Variants in RUNX1T1 observed in about 807,000 individuals in gnomAD.
RUNX1T1 encodes protein CBFA2T1.
Under a neutral mutation model 62.8 loss-of-function variants are expected in RUNX1T1, and 4 were observed. The observed-to-expected ratio is 0.06, with a 90% CI of 0.03 to 0.15. RUNX1T1 has a LOEUF of 0.15. Ranked by LOEUF, RUNX1T1 falls within the 10% of genes least tolerant of loss-of-function variation. RUNX1T1 has a pLI of 1.00. For missense variants in RUNX1T1, 508 were observed against 754.3 expected (o/e 0.67, Z 3.82); for synonymous variants, 291 against 286.0 (o/e 1.02, Z -0.18).
At chr8:92,096,967 C>T (rs572087941) in intron 1 of RUNX1T1, among the ~76,000 whole-genome samples, 9 of 152,188 alleles carry the variant, frequency 5.9e-5, no homozygotes, top group Admixed American at 2.0e-4. Flanking sequence ...GAGCACCGCC[C>T]CCTCTCCCCC....
upstream of RUNX1T1, chr8:92,103,359 G>T (rs1347995143): frequency 1.1e-5 from 2 of 178,986 alleles, no homozygotes; most frequent in Non-Finnish European, 2.4e-5. Context: ...GGAGCGCCGC[G>T]CGCTGTGCGC....
chr8:92,099,739 T>C (rs746182329), upstream of RUNX1T1: 1 of 652,352 alleles, frequency 1.5e-6, no homozygotes, highest in African/African-American at 2.0e-5. Flanking sequence ...CTGATGTTCA[T>C]ATCAAAGAAG....
intron 2 of RUNX1T1, 106 bp downstream of exon 2, chr8:92,075,859 G>T: frequency 9.5e-7 from 1 of 1,054,404 alleles, no homozygotes; most frequent in Non-Finnish European, 1.4e-6. Context: ...ACTAGAAGAA[G>T]GAAGAAAAAA....
chr8:92,039,227 G>A (rs767069398), intron 1 of RUNX1T1, among the ~76,000 whole-genome samples: 8 of 149,982 alleles, frequency 5.3e-5, no homozygotes, highest in Non-Finnish European at 1.2e-4. Context: ...GGCTGGTCTC[G>A]AACTCCTGAG....
chr8:92,005,985 T>TACACACACAG (rs1554616600), intron 4 of RUNX1T1: 2 of 145,668 alleles, frequency 1.4e-5, no homozygotes, highest in African/African-American at 5.1e-5. Flanking sequence ...AAGGAATGAA[T>TACACACACAG]ACACACACAC....
intron 5 of RUNX1T1, among the ~76,000 whole-genome samples, chr8:91,996,956 T>C (rs1356133742): frequency 4.9e-4 from 71 of 143,838 alleles, no homozygotes; most frequent in Non-Finnish European, 8.1e-4. Flanking sequence ...ACCCCGTCTC[T>C]ACTAAGAAAA....
chr8:92,051,624 A>ACT (rs58500025), intron 1 of RUNX1T1, among the ~76,000 whole-genome samples: 80 of 113,184 alleles, frequency 7.1e-4, no homozygotes, highest in African/African-American at 1.8e-3. Flanking sequence ...TCTCTCTCTC[A>ACT]CTCTCTCTCT....
At chr8:92,034,597 T>A (rs563704676) in intron 1 of RUNX1T1, among the ~76,000 whole-genome samples, 217 of 152,106 alleles carry the variant, frequency 1.4e-3, no homozygotes, top group Non-Finnish European at 2.6e-3. Context: ...ATTGCAGCAC[T>A]ATTCACAACA....
intron 1 of RUNX1T1, among the ~76,000 whole-genome samples, chr8:92,080,488 G>A (rs1479584323): frequency 6.6e-6 from 1 of 152,244 alleles, no homozygotes; most frequent in African/African-American, 2.4e-5. Flanking sequence ...AGGACACTGT[G>A]ACTGGGAACT....
At chr8:92,006,506 C>G (rs751264946) in intron 4 of RUNX1T1, 1 of 152,104 alleles carries the variant, frequency 6.6e-6, no homozygotes, top group African/African-American at 2.4e-5. Context: ...TTGGGCCCAA[C>G]AGCCTTAAAA....
At chr8:91,971,308 C>A (rs1241673810) in intron 9 of RUNX1T1, 1 of 152,780 alleles carries the variant, frequency 6.5e-6, no homozygotes, top group East Asian at 1.9e-4. Flanking sequence ...TCGCAAGAAA[C>A]CTGTCTGAAT....
At chr8:92,035,573 A>C (rs901849131) in intron 1 of RUNX1T1, among the ~76,000 whole-genome samples, 1 of 152,142 alleles carries the variant, frequency 6.6e-6, no homozygotes, top group Non-Finnish European at 1.5e-5. Flanking sequence ...TATATTTTAT[A>C]CGGTTGTTTC....
At chr8:92,037,834 C>G (rs1244586321) in intron 1 of RUNX1T1, among the ~76,000 whole-genome samples, 1 of 152,110 alleles carries the variant, frequency 6.6e-6, no homozygotes, top group Non-Finnish European at 1.5e-5. Flanking sequence ...TAATCCAATA[C>G]TTATGGAATG....
At chr8:92,004,275 A>G (rs2131013478) in intron 5 of RUNX1T1, 1 of 152,386 alleles carries the variant, frequency 6.6e-6, no homozygotes, top group African/African-American at 2.4e-5. Flanking sequence ...ATGCTAAATA[A>G]GTTTTTGAAT....
chr8:92,041,659 T>C (rs1419683808), intron 1 of RUNX1T1, among the ~76,000 whole-genome samples: 2 of 152,092 alleles, frequency 1.3e-5, no homozygotes, highest in East Asian at 1.9e-4. Context: ...GAAGAATCAC[T>C]TGAACCCAGG....
intron 8 of RUNX1T1, among the ~76,000 whole-genome samples, chr8:91,982,384 T>A (rs1420590473): frequency 1.3e-5 from 2 of 151,828 alleles, no homozygotes; most frequent in Non-Finnish European, 2.9e-5. Flanking sequence ...AGAAATAAAA[T>A]GTCAGGAGCC....
chr8:92,017,765 G>T, intron 1 of RUNX1T1: 2 of 444,052 alleles, frequency 4.5e-6, no homozygotes, highest in South Asian at 6.2e-5. Context: ...AGTCTGTTAT[G>T]CAGGTGAGAT....
intron 10 of RUNX1T1, among the ~76,000 whole-genome samples, chr8:91,968,087 C>T (rs569585346): frequency 1.3e-5 from 2 of 152,152 alleles, no homozygotes; most frequent in East Asian, 1.9e-4. Context: ...AATGAATTGC[C>T]GAAGGACCTC....
In RUNX1T1 at chr8:92,061,773, T is replaced by C. The variant is rs192358435; in HGVS notation, c.7+773A>G. Among the ~76,000 whole-genome samples, 17 of 152,262 alleles carry C rather than the reference T, an allele frequency of 1.1e-4. No homozygotes were observed. The East Asian group carries it at 2.5e-3, about 23-fold the overall frequency. On this transcript the variant is annotated intron_variant, in intron 1 of 10. Coordinates refer to ENST00000396218, the Ensembl canonical transcript of RUNX1T1. Reference sequence around the variant, plus strand: ...CCAGCTGGAGGATCTCTATCTGCCCTGTCTTTTTTATCTGAAGATAGGAAG... The same window carrying C: ...CCAGCTGGAGGATCTCTATCTGCCCCGTCTTTTTTATCTGAAGATAGGAAG...
Sources: gnomAD v4.1 joint callset for allele counts (sites outside exome capture counted in the v4.1 genomes callset) on GRCh38, gnomAD v4.1.1 for gene constraint, MANE v1.5 for transcripts, NCBI Gene and HGNC (gene_info 2026-07-23, HGNC 2026-07-21) for gene names.